PMEL: variants seen among roughly 807,000 people sequenced by gnomAD.
PMEL encodes the protein premelanosome protein.
Under a neutral mutation model 64.9 loss-of-function variants are expected in PMEL, and 53 were observed. The ratio of observed to expected loss-of-function variants is 0.82; its 90% CI spans 0.66 to 1.03. The LOEUF (loss-of-function observed/expected upper bound fraction) is 1.03. Among genes scored for constraint, PMEL ranks in the 50% least tolerant of loss-of-function variants. The pLI, the probability that PMEL is intolerant of heterozygous loss-of-function variation, is 0.00. For synonymous variants in PMEL, 299 were observed against 316.2 expected (o/e 0.95, Z 0.58); for missense variants, 716 against 814.9 (o/e 0.88, Z 1.48).
At chr12:55,963,106 G>A (rs1168082192) in intron 1 of PMEL, among the ~76,000 whole-genome samples, 2 of 150,792 alleles carry the variant, frequency 1.3e-5, no homozygotes, top group African/African-American at 2.4e-5. Flanking sequence ...GCAGTGAGCC[G>A]AGATCACACC....
At position 55,961,665 on chromosome 12, in the gene PMEL, C is replaced by T; in HGVS notation, c.144G>A (p.Leu48=). The stretch of plus-strand genomic sequence containing the variant: ...TCTGGGCTTCTGTCCACTCTGGATA[C>T]AGCTGCCTGTTCCAGGCTTTGGTTC... ...QLRTKAWNRQ[L]YPEWTEAQRL... The change falls in exon 2 of 11, where the codon CTG becomes CTA. Residue 48 remains leucine (L), a synonymous_variant. Transcript: ENST00000548747. The T allele has an allele frequency of 6.2e-7, 1 of 1,614,074 alleles. No homozygotes were observed. Among genetic ancestry groups the T allele is most frequent in the Non-Finnish European group, 8.5e-7 (1 of 1,180,000 alleles).
chr12:55,959,349 T>C (rs1889013991), intron 3 of PMEL, among the ~76,000 whole-genome samples: 1 of 150,794 alleles, frequency 6.6e-6, no homozygotes, highest in African/African-American at 2.4e-5. Context: ...CACACCACTG[T>C]ACTCCAGCCT....
At chr12:55,958,145 A>C (rs1888967076) in intron 4 of PMEL, 61 bp from the exon 5 acceptor site, 1 of 1,566,534 alleles carries the variant, frequency 6.4e-7, no homozygotes. Flanking sequence ...GGACTGAGGG[A>C]CAGGCTTCGA....
intron 10 of PMEL, 73 bp downstream of exon 10, chr12:55,955,201 T>C (rs1346026410): frequency 3.6e-6 from 4 of 1,107,534 alleles, no homozygotes; most frequent in Non-Finnish European, 4.2e-6. Flanking sequence ...AGGTGGTTTC[T>C]TCTCCCCTTG....
rs1889096970 is a variant in PMEL at position 55,961,391 on chromosome 12, G to A, written c.260C>T (p.Ala87Val). 1 of 1,613,956 alleles carries A rather than the reference G, an allele frequency of 6.2e-7. No homozygotes were observed. The highest frequency in any genetic ancestry group is 8.5e-7 in the Non-Finnish European group (1 of 1,179,948). Reference protein sequence around the residue: ...LIGANASFSIALNFPGSQKVL... With the variant: ...LIGANASFSIVLNFPGSQKVL... ...CTTTTGGCTTCCAGGGAAGTTCAAG[G>A]CAATAGAGAAGGAGGCATTTGCACC... Residue 87 changes from alanine to valine, a missense_variant, in exon 3 of 11, where the codon GCC becomes GTC. Transcript: ENST00000548747.
chr12:55,958,435 A>G (rs200463173), intron 4 of PMEL, 38 bp downstream of exon 4: 244 of 1,600,268 alleles, frequency 1.5e-4, no homozygotes, highest in Non-Finnish European at 2.0e-4. Flanking sequence ...AGAAGTAAAC[A>G]CAAGTGTGGA....
Position 55,961,435 on chromosome 12 carries a change from A to G in PMEL, c.216T>C (p.Asn72=). 1 of 1,614,174 alleles carries G rather than the reference A, an allele frequency of 6.2e-7. No individual in the cohort carries two copies. The highest frequency in any genetic ancestry group is 8.5e-7 in the Non-Finnish European group (1 of 1,180,012). Reference sequence around the variant, plus strand: ...TTGCACCAATCAGTGTAGGCCCATCATTACTGACCTTGAGGGACACTTGAC... The same window carrying G: ...TTGCACCAATCAGTGTAGGCCCATCGTTACTGACCTTGAGGGACACTTGAC... ...RGGQVSLKVS[N]DGPTLIGANA... The change falls in exon 3 of 11, where the codon AAT becomes AAC. Residue 72 remains asparagine (N), a synonymous_variant. Coordinates refer to ENST00000548747, the MANE Select transcript of PMEL (RefSeq NM_001384361.1).
chr12:55,957,477 C>T lies in PMEL; in HGVS notation c.826G>A (p.Val276Ile), dbSNP rs963033041. Residue 276 changes from valine to isoleucine, a missense_variant, in exon 6 of 11, where the codon GTC becomes ATC. Val to Ile is a conservative substitution (Grantham distance 29). Coordinates refer to ENST00000548747, the MANE Select transcript of PMEL (RefSeq NM_001384361.1). Reference protein sequence around the residue: ...SGTLISRALVVTHTYLEPGPV... With the variant: ...SGTLISRALVITHTYLEPGPV... ...CCAGGCTCCAGGTAAGTATGAGTGACCACAAGTGCCCGAGAGATCAGGGTT... is the reference window on the plus strand; with the variant it reads ...CCAGGCTCCAGGTAAGTATGAGTGATCACAAGTGCCCGAGAGATCAGGGTT... 1 of 1,613,950 alleles carries T rather than the reference C, an allele frequency of 6.2e-7. No homozygotes were observed.
chr12:55,955,200 C>T, intron 10 of PMEL, 74 bp downstream of exon 10: 1 of 1,109,052 alleles, frequency 9.0e-7, no homozygotes, highest in Admixed American at 1.7e-5. Context: ...GAGGTGGTTT[C>T]TTCTCCCCTT....
chr12:55,965,879 G>A, intron 1 of PMEL, 57 bp downstream of exon 1: 1 of 1,597,246 alleles, frequency 6.3e-7, no homozygotes, highest in East Asian at 2.2e-5. Flanking sequence ...AGAAACCAGA[G>A]CAGGGGGAAT....
intron 3 of PMEL, among the ~76,000 whole-genome samples, chr12:55,959,283 G>T (rs1337068710): frequency 3.3e-5 from 5 of 151,930 alleles, no homozygotes; most frequent in Middle Eastern, 3.4e-3. Flanking sequence ...TACTCCAGGG[G>T]CTGAGGAAGG....
In PMEL at chr12:55,965,951, C is replaced by G. The variant is rs780275011; in HGVS notation, c.61G>C (p.Val21Leu). Residue 21 changes from valine to leucine, a missense_variant, in exon 1 of 11, where the codon GTG becomes CTG. Physicochemically the swap from Val to Leu is conservative, Grantham distance 32. Coordinates refer to ENST00000548747, the MANE Select transcript of PMEL (RefSeq NM_001384361.1). ...CCACACATACCTTTTGTAGCCCCCA[C>G]AGCCAGCAAAGCACCTATCACAGCC... The part of the protein sequence containing the change: ...HLAVIGALLA[V>L]GATKVPRNQD... 2.1e-5 allele frequency: 34 copies of G among 1,614,128 alleles called. No individual in the cohort carries two copies. Among genetic ancestry groups the G allele is most frequent in the Non-Finnish European group, 2.8e-5 (33 of 1,180,054 alleles).
At chr12:55,963,978 C>G (rs192380908) in intron 1 of PMEL, among the ~76,000 whole-genome samples, 104 of 151,940 alleles carry the variant, frequency 6.8e-4, no homozygotes, top group Non-Finnish European at 1.3e-3. Context: ...CCTTCCCTTT[C>G]CTTTCCCTTT....
At position 55,955,499 on chromosome 12, in the gene PMEL, C is replaced by T. The variant is rs376603313; in HGVS notation, c.1727G>A (p.Ser576Asn). ...CLNVSLADTNSLAVVSTQLIM... is the reference protein window; with the variant it reads ...CLNVSLADTNNLAVVSTQLIM... The stretch of plus-strand genomic sequence containing the variant: ...AAGCTGGGTGCTGACCACTGCCAGG[C>T]TGTTGGTATCAGCCAGAGACACATT... The change falls in exon 9 of 11, where the codon AGC becomes AAC. Residue 576 changes from serine (S) to asparagine (N), a missense_variant. Coordinates refer to ENST00000548747, the MANE Select transcript of PMEL (RefSeq NM_001384361.1). The T allele has an allele frequency of 3.3e-5, 53 of 1,614,148 alleles. No homozygotes were observed. The African/African-American group carries it at 6.5e-4, about 20-fold the overall frequency.
At chr12:55,963,544 ACT>A (rs1275214594) in intron 1 of PMEL, among the ~76,000 whole-genome samples, 3 of 152,216 alleles carry the variant, frequency 2.0e-5, no homozygotes, top group Non-Finnish European at 2.9e-5. Flanking sequence ...AAATTATCAA[ACT>A]CAGTCCATAT....
intron 1 of PMEL, among the ~76,000 whole-genome samples, chr12:55,963,514 A>T (rs192373678): frequency 6.6e-6 from 1 of 152,342 alleles, no homozygotes; most frequent in East Asian, 1.9e-4. Context: ...CATAAGCACA[A>T]TGTCATTTCA....
rs778295172 is a variant in PMEL, at chr12:55,957,572, A to C, written c.731T>G (p.Leu244Arg). The change falls in exon 6 of 11, where the codon CTC becomes CGC. Residue 244 changes from leucine (L) to arginine (R), a missense_variant. Coordinates refer to ENST00000548747, the MANE Select transcript of PMEL (RefSeq NM_001384361.1). ...AGCCAGATAGCCACTGGGGTCATGG[A>C]GCTGGAGGGCAAAGGTCAGAGGCTG... ...RNQPLTFALQ[L>R]HDPSGYLAEA... 2 of 1,613,822 alleles carry C rather than the reference A, an allele frequency of 1.2e-6. No homozygotes were observed. The highest frequency in any genetic ancestry group is 3.3e-5 in the Admixed American group (2 of 59,922).
intron 1 of PMEL, among the ~76,000 whole-genome samples, chr12:55,962,025 G>A (rs1486527697): frequency 6.6e-6 from 1 of 151,808 alleles, no homozygotes; most frequent in Non-Finnish European, 1.5e-5. Flanking sequence ...TAGTAGAGAT[G>A]GGGTTTCTCC....
Position 55,956,219 on chromosome 12 carries a change from C to A in PMEL, c.1355G>T (p.Gly452Val), listed in dbSNP as rs947649424. 6 of 1,603,348 alleles carry A rather than the reference C, an allele frequency of 3.7e-6. No homozygotes were observed. Among genetic ancestry groups the A allele is most frequent in the South Asian group, 3.3e-5 (3 of 90,836 alleles). Residue 452 changes from glycine to valine, a missense_variant and splice_region_variant, in exon 7 of 11, where the codon GGT becomes GTT. Gly to Val is a moderately radical substitution (Grantham distance 109, BLOSUM62 -3). Transcript: ENST00000548747. ...SSIMSTESIT[G>V]SLGPLLDGTA... ...ACCATCCAGCAGGGGGCCCAGGGAA[C>A]CTGGCAGGAGAGGATCAAGGAGGCA...
Sources: allele counts gnomAD v4.1 joint callset (sites outside exome capture counted in the v4.1 genomes callset), GRCh38; gene constraint gnomAD v4.1.1; transcripts MANE v1.5; gene names NCBI Gene and HGNC (gene_info 2026-07-23, HGNC 2026-07-21).